The following GPR176 variants were observed in gnomAD, a reference collection of about 807,000 sequenced individuals.
GPR176 encodes the protein G-protein coupled receptor 176.
GPR176 carries 26 observed loss-of-function variants against 35.4 expected under a neutral mutation model. The observed-to-expected ratio is 0.74, with a 90% CI of 0.54 to 1.02. The LOEUF (loss-of-function observed/expected upper bound fraction) is 1.02. Ranked by LOEUF, GPR176 falls within the 50% of genes least tolerant of loss-of-function variation. The probability of loss-of-function intolerance (pLI) is 0.00; values close to 1 mark genes in which losing one functional copy is unlikely to be tolerated. For synonymous variants in GPR176, 278 were observed against 271.3 expected, an observed-to-expected ratio of 1.02 and a Z score of -0.24; for missense variants, 597 against 665.3, an observed-to-expected ratio of 0.90 and a Z score of 1.13.
intron 1 of GPR176, among the ~76,000 whole-genome samples, chr15:39,819,380 C>A (rs1193671079): frequency 6.6e-6 from 1 of 152,178 alleles, no homozygotes; most frequent in Non-Finnish European, 1.5e-5. Context: ...CTGAAAAGAA[C>A]CTTATCTGAA....
At chr15:39,816,119 AGAATGGGCTGCCAGTAGGAC>A (rs1899886348) in intron 1 of GPR176, among the ~76,000 whole-genome samples, 1 of 152,260 alleles carries the variant, frequency 6.6e-6, no homozygotes, top group African/African-American at 2.4e-5. Context: ...AGCAGAGTGT[AGAATGGGCTGCCAGTAGGAC>A]GAAGCGTTGG....
chr15:39,897,159 C>G (rs1314156019), intron 1 of GPR176, among the ~76,000 whole-genome samples: 1 of 152,188 alleles, frequency 6.6e-6, no homozygotes, highest in East Asian at 1.9e-4. Context: ...TAGAAAATAA[C>G]TCATCAACAG....
At chr15:39,912,577 C>T (rs1161237293) in intron 1 of GPR176, among the ~76,000 whole-genome samples, 1 of 149,780 alleles carries the variant, frequency 6.7e-6, no homozygotes, top group African/African-American at 2.5e-5. Flanking sequence ...GTGATCGCAC[C>T]ACTTCACTCC....
intron 1 of GPR176, among the ~76,000 whole-genome samples, chr15:39,903,676 C>T (rs1566968536): frequency 6.6e-6 from 1 of 151,834 alleles, no homozygotes; most frequent in African/African-American, 2.4e-5. Context: ...CTGCTTCCAG[C>T]CAAAGCAGAT....
At chr15:39,893,297 T>A (rs2032943711) in intron 1 of GPR176, among the ~76,000 whole-genome samples, 1 of 152,028 alleles carries the variant, frequency 6.6e-6, no homozygotes, top group South Asian at 2.1e-4. Flanking sequence ...TAGGGAGTGG[T>A]GATGACTCTT....
At position 39,892,588 on chromosome 15, in the gene GPR176, T is replaced by C. The variant is rs138489821; in HGVS notation, c.172+27267A>G. 3.9e-4 allele frequency among the ~76,000 whole-genome samples: 60 copies of C among 152,312 alleles called. 1 individual carries two copies. The East Asian group carries it at 0.011, about 29-fold the overall frequency. ...ATGTAGTAATCAAGATGAGGTCGCA[T>C]TGCATTAGGGTGAGCCCTTCCTTAT... On this transcript the variant is annotated intron_variant, in intron 1 of 2. Transcript: ENST00000561100.
chr15:39,801,297 A>C lies in GPR176; in HGVS notation c.1383T>G (p.Pro461=), dbSNP rs370397770. ...TTCGGGTCTCTGAGAGCCACTGAGGAGGCAACTCAAAAGGCCCAAAGCCAA... is the reference window on the plus strand; with the variant it reads ...TTCGGGTCTCTGAGAGCCACTGAGGCGGCAACTCAAAAGGCCCAAAGCCAA... ...LQFGFGPFEL[P]PQWLSETRNS... The change falls in exon 3 of 3, where the codon CCT becomes CCG. Residue 461 remains proline, a synonymous_variant. Coordinates refer to ENST00000561100, the MANE Select transcript of GPR176 (RefSeq NM_007223.3). The C allele has an allele frequency of 4.0e-5, 64 of 1,614,024 alleles. No homozygotes were observed. The highest frequency in any genetic ancestry group is 4.8e-5 in the Non-Finnish European group (57 of 1,179,990).
intron 2 of GPR176, among the ~76,000 whole-genome samples, chr15:39,802,733 A>T (rs1322170319): frequency 6.6e-6 from 1 of 152,232 alleles, no homozygotes; most frequent in Non-Finnish European, 1.5e-5. Context: ...GTCTACACAC[A>T]TATCTAAAGC....
intron 1 of GPR176, among the ~76,000 whole-genome samples, chr15:39,905,990 C>T (rs1463556312): frequency 6.6e-6 from 1 of 152,160 alleles, no homozygotes; most frequent in African/African-American, 2.4e-5. Flanking sequence ...GTAAAGGATA[C>T]AGGCATCTCT....
Position 39,799,751 on chromosome 15 carries a change from A to G in GPR176, c.*1381T>C, listed in dbSNP as rs1898740865. On this transcript the variant is annotated 3_prime_UTR_variant, in exon 3 of 3. Coordinates refer to ENST00000561100, the MANE Select transcript of GPR176 (RefSeq NM_007223.3). ...TGGCGCTTGGTTTGTCCTCACTAAC[A>G]GGGAAGTATTATCTGCGGTTCTAAT... The G allele has an allele frequency of 6.6e-6, 1 of 152,312 alleles. No individual in the cohort carries two copies. Among genetic ancestry groups the G allele is most frequent in the East Asian group, 1.9e-4 (1 of 5,200 alleles). 9.4% of individuals were successfully genotyped at this position (152,312 alleles called of 1,614,324 possible).
intron 1 of GPR176, among the ~76,000 whole-genome samples, chr15:39,892,610 T>C (rs2032917384): frequency 6.6e-6 from 1 of 152,196 alleles, no homozygotes; most frequent in African/African-American, 2.4e-5. Flanking sequence ...GAGCCCTTCC[T>C]TATAAGAAGA....
chr15:39,890,312 T>C (rs1473748735), intron 1 of GPR176, among the ~76,000 whole-genome samples: 1 of 152,196 alleles, frequency 6.6e-6, no homozygotes, highest in Non-Finnish European at 1.5e-5. Context: ...ATTTTCTAAT[T>C]CGGGTTTTTT....
chr15:39,799,267 G>T lies in GPR176; in HGVS notation c.*1865C>A, dbSNP rs182991128. ...TTTCCTAGAGATTATTATTCCCCTT[G>T]ATAAAAGTTGTAATGATTGTGAAAG... is the stretch of plus-strand genomic sequence containing the variant. On this transcript the variant is annotated 3_prime_UTR_variant, in exon 3 of 3. Coordinates refer to ENST00000561100, the MANE Select transcript of GPR176 (RefSeq NM_007223.3). 6.6e-6 allele frequency: 1 copy of T among 152,354 alleles called. No homozygotes were observed. Among genetic ancestry groups the T allele is most frequent in the African/African-American group, 2.4e-5 (1 of 41,590 alleles). The allele number at this position is 152,354 out of a possible 1,614,324, so 9.4% of individuals were successfully genotyped here. A position where few individuals can be genotyped will look rare whatever the true frequency, so the allele number is the denominator to read the frequency against.
intron 1 of GPR176, among the ~76,000 whole-genome samples, chr15:39,867,103 G>A (rs1003687852): frequency 7.2e-5 from 11 of 152,190 alleles, no homozygotes; most frequent in African/African-American, 2.7e-4. Context: ...TTAATTTTAG[G>A]AAGATGGTTC....
chr15:39,822,953 C>T (rs984682200), intron 1 of GPR176, among the ~76,000 whole-genome samples: 1 of 152,196 alleles, frequency 6.6e-6, no homozygotes, highest in Non-Finnish European at 1.5e-5. Context: ...TACCTTTAGC[C>T]TATGGGATGA....
intron 1 of GPR176, among the ~76,000 whole-genome samples, chr15:39,855,446 G>A (rs2031152174): frequency 6.6e-6 from 1 of 152,140 alleles, no homozygotes; most frequent in South Asian, 2.1e-4. Context: ...TAATTGCAGA[G>A]CTTAGAGATC....
intron 2 of GPR176, among the ~76,000 whole-genome samples, chr15:39,806,659 T>C (rs1207541794): frequency 1.3e-5 from 2 of 152,180 alleles, no homozygotes; most frequent in Non-Finnish European, 2.9e-5. Flanking sequence ...AAAGCCCTAA[T>C]TGCAGAGTTA....
intron 1 of GPR176, chr15:39,894,656 T>C (rs1482811714): frequency 6.5e-5 from 11 of 170,166 alleles, no homozygotes; most frequent in African/African-American, 5.1e-5. Context: ...ACTTCCTAGA[T>C]GTGATGGCGG....
At chr15:39,849,831 T>TGTCA (rs1161880671) in intron 1 of GPR176, among the ~76,000 whole-genome samples, 1 of 152,114 alleles carries the variant, frequency 6.6e-6, no homozygotes. Context: ...CTGAGAAAGG[T>TGTCA]GTCAATAGGT....
Sources: allele counts gnomAD v4.1 joint callset (sites outside exome capture counted in the v4.1 genomes callset), GRCh38; gene constraint gnomAD v4.1.1; transcripts MANE v1.5; gene names NCBI Gene and HGNC (gene_info 2026-07-23, HGNC 2026-07-21).